The following ANO3 variants were observed in gnomAD, a reference collection of about 807,000 sequenced individuals.
The protein encoded by ANO3 is anoctamin 3.
ANO3 carries 99 observed loss-of-function variants against 144.8 expected under a neutral mutation model. The ratio of observed to expected loss-of-function variants is 0.68; its 90% CI spans 0.58 to 0.81. The LOEUF is 0.81. Among genes scored for constraint, ANO3 ranks in the 30% least tolerant of loss-of-function variants. ANO3 has a pLI of 0.00. For missense variants in ANO3, 905 were observed against 1,202.2 expected (o/e 0.75, Z 3.66); for synonymous variants, 414 against 392.6 (o/e 1.05, Z -0.64).
intron 26 of ANO3, among the ~76,000 whole-genome samples, chr11:26,657,347 C>T (rs1165439113): frequency 6.6e-5 from 10 of 152,042 alleles, no homozygotes; most frequent in South Asian, 4.1e-4. Context: ...TGTTATTTAA[C>T]GACTTTGCAC....
At chr11:26,554,949 A>T (rs1306363493) in intron 13 of ANO3, among the ~76,000 whole-genome samples, 2 of 152,152 alleles carry the variant, frequency 1.3e-5, no homozygotes, top group Non-Finnish European at 2.9e-5. Flanking sequence ...GGATAAAATC[A>T]ATCCCTCTTA....
In ANO3 at chr11:26,508,131, G is replaced by A. The variant is rs1861508963; in HGVS notation, c.460G>A (p.Gly154Arg). 2 of 1,592,420 alleles carry A rather than the reference G, an allele frequency of 1.3e-6. No homozygotes were observed. Among genetic ancestry groups the A allele is most frequent in the Non-Finnish European group, 1.7e-6 (2 of 1,172,970 alleles). ...KNDMNYIASSGPLFKDGKKRI... is the reference protein window; with the variant it reads ...KNDMNYIASSRPLFKDGKKRI... ...TGACATGAATTACATAGCATCCAGTGGACCTCTGTTCAAAGATGGCAAAAA... is the reference window on the plus strand; with the variant it reads ...TGACATGAATTACATAGCATCCAGTAGACCTCTGTTCAAAGATGGCAAAAA... Residue 154 changes from glycine (G) to arginine (R), a missense_variant, in exon 5 of 27, where the codon GGA becomes AGA. Gly to Arg is a moderately radical substitution (Grantham distance 125). This residue lies in a region of ANO3 where 63 missense variants were observed against 107.3 expected (regional missense o/e 0.59). Coordinates refer to ENST00000256737, the MANE Select transcript of ANO3 (RefSeq NM_031418.4).
chr11:26,595,474 T>TG (rs1851592678), intron 14 of ANO3, among the ~76,000 whole-genome samples: 1 of 146,546 alleles, frequency 6.8e-6, no homozygotes, highest in Non-Finnish European at 1.5e-5. Flanking sequence ...TTTTTTTTTT[T>TG]TTTTTTTTTT....
intron 1 of ANO3, among the ~76,000 whole-genome samples, chr11:26,372,094 A>G (rs1856276877): frequency 6.6e-6 from 1 of 152,224 alleles, no homozygotes; most frequent in Non-Finnish European, 1.5e-5. Context: ...TAGTTCCTAT[A>G]ATCCCCACAT....
intron 4 of ANO3, among the ~76,000 whole-genome samples, chr11:26,467,336 A>G (rs1590386346): frequency 6.6e-6 from 1 of 152,122 alleles, no homozygotes; most frequent in Non-Finnish European, 1.5e-5. Context: ...GTAAATCAGT[A>G]TTGACTATAG....
chr11:26,476,287 G>C (rs747895827), intron 4 of ANO3, among the ~76,000 whole-genome samples: 4 of 151,992 alleles, frequency 2.6e-5, no homozygotes, highest in Non-Finnish European at 4.4e-5. Context: ...GTGGGTGCAG[G>C]GTAGAAGGGG....
At chr11:26,333,868 A>G (rs896570630) in intron 1 of ANO3, among the ~76,000 whole-genome samples, 3 of 152,222 alleles carry the variant, frequency 2.0e-5, no homozygotes, top group African/African-American at 7.2e-5. Context: ...TGTTCTCTTT[A>G]ATCATGGTTT....
chr11:26,563,253 G>C, intron 14 of ANO3: 1 of 1,596,660 alleles, frequency 6.3e-7, no homozygotes, highest in Non-Finnish European at 8.5e-7. Context: ...TACTATTCCT[G>C]TATTTCTATT....
At chr11:26,191,037 C>G (rs1024333480) in intron 1 of ANO3, among the ~76,000 whole-genome samples, 1 of 152,144 alleles carries the variant, frequency 6.6e-6, no homozygotes, top group Non-Finnish European at 1.5e-5. Context: ...TAGGATGTCT[C>G]ACAATAAAAC....
intron 1 of ANO3, among the ~76,000 whole-genome samples, chr11:26,273,484 CATT>C (rs754231937): frequency 1.2e-4 from 18 of 152,040 alleles, no homozygotes; most frequent in South Asian, 4.1e-4. Flanking sequence ...ATTGAGCTGT[CATT>C]GTTGTTACAG....
At chr11:26,521,390 T>C (rs919291112) in intron 6 of ANO3, among the ~76,000 whole-genome samples, 1 of 152,212 alleles carries the variant, frequency 6.6e-6, no homozygotes, top group African/African-American at 2.4e-5. Context: ...CAAGATTTGT[T>C]AGCTATAATC....
At chr11:26,384,828 C>T (rs1209623758) in intron 1 of ANO3, among the ~76,000 whole-genome samples, 1 of 152,196 alleles carries the variant, frequency 6.6e-6, no homozygotes, top group African/African-American at 2.4e-5. Context: ...AGTACCATAA[C>T]TGGTAAAACT....
At chr11:26,623,411 C>G (rs1852478649) in intron 17 of ANO3, among the ~76,000 whole-genome samples, 1 of 152,112 alleles carries the variant, frequency 6.6e-6, no homozygotes, top group Non-Finnish European at 1.5e-5. Flanking sequence ...CATACATATA[C>G]CCACAAGTAC....
At chr11:26,309,369 C>A (rs150365524), upstream of ANO3, among the ~76,000 whole-genome samples, 50 of 152,214 alleles carry the variant, frequency 3.3e-4, no homozygotes, top group African/African-American at 1.1e-3. Context: ...ATTGGAAAAT[C>A]TGTCCATTCT....
At chr11:26,321,861 A>G (rs1854768638) in intron 1 of ANO3, among the ~76,000 whole-genome samples, 1 of 152,006 alleles carries the variant, frequency 6.6e-6, no homozygotes, top group East Asian at 1.9e-4. Flanking sequence ...ATGTTCAAGG[A>G]AGCTTTATCT....
rs1277118719 is a variant in ANO3, at chr11:26,372,875, TAAACATCAGATTTTTC to T, written c.46+40561_46+40576del. Among the ~76,000 whole-genome samples the T allele has an allele frequency of 2.0e-5, 3 of 152,274 alleles. No individual in the cohort carries two copies. In the East Asian group the frequency reaches 5.8e-4, roughly 29 times the overall value. On this transcript the variant is annotated intron_variant, in intron 1 of 26. Transcript: ENST00000256737. Reference sequence around the variant, plus strand: ...ACTTTGAACATTTATATTCATATTATAAACATCAGATTTTTCAAACATGTTGTGTGGAAGTAAAAGC... The same window carrying T: ...ACTTTGAACATTTATATTCATATTATAAACATGTTGTGTGGAAGTAAAAGC...
In ANO3 at chr11:26,429,570, T is replaced by C. The variant is rs140556648; in HGVS notation, c.47-12348T>C. Among the ~76,000 whole-genome samples the C allele has an allele frequency of 8.5e-4, 129 of 151,798 alleles. 1 individual carries two copies. The highest frequency in any genetic ancestry group is 2.9e-3 in the African/African-American group (120 of 41,430). On this transcript the variant is annotated intron_variant, in intron 1 of 26. Coordinates refer to ENST00000256737, the MANE Select transcript of ANO3 (RefSeq NM_031418.4). ...CAAATGTGTAATTTATATTAATAAA[T>C]GTAAATGGATTTAACCTACCTGTTA...
At chr11:26,348,422 TG>T (rs1356805286) in intron 1 of ANO3, among the ~76,000 whole-genome samples, 1 of 152,204 alleles carries the variant, frequency 6.6e-6, no homozygotes, top group Non-Finnish European at 1.5e-5. Context: ...AGTTCTGGCC[TG>T]GGTATCGATA....
At chr11:26,525,496 G>A (rs369256647) in intron 6 of ANO3, 139 bp from the exon 7 acceptor site, 1 of 661,264 alleles carries the variant, frequency 1.5e-6, no homozygotes, top group East Asian at 3.0e-5. Flanking sequence ...AGTATGCTGG[G>A]TTATTTCAAA....
Sources: allele counts gnomAD v4.1 joint callset (sites outside exome capture counted in the v4.1 genomes callset), GRCh38; gene constraint gnomAD v4.1.1; regional missense constraint gnomAD v4.1.1; transcripts MANE v1.5; gene names NCBI Gene and HGNC (gene_info 2026-07-23, HGNC 2026-07-21).